SIL1: variants seen among roughly 807,000 people sequenced by gnomAD.
SIL1 encodes nucleotide exchange factor SIL1.
In SIL1, 40 loss-of-function variants were observed where a neutral mutation model predicts 49.1. The observed-to-expected ratio is 0.81, with a 90% CI of 0.63 to 1.06. SIL1 has a LOEUF of 1.06. Among genes scored for constraint, SIL1 ranks in the 50% least tolerant of loss-of-function variants. SIL1 has a pLI of 0.00. For synonymous variants in SIL1, 253 were observed against 250.8 expected (o/e 1.01, Z -0.08); for missense variants, 500 against 572.6 (o/e 0.87, Z 1.29).
intron 7 of SIL1, among the ~76,000 whole-genome samples, chr5:138,964,989 G>T (rs1767107149): frequency 6.6e-6 from 1 of 152,214 alleles, no homozygotes; most frequent in Non-Finnish European, 1.5e-5. Flanking sequence ...TGAGCCCAGG[G>T]GCCCACCAGG....
At chr5:138,963,366 T>G (rs1767066848) in intron 7 of SIL1, among the ~76,000 whole-genome samples, 1 of 152,144 alleles carries the variant, frequency 6.6e-6, no homozygotes, top group Non-Finnish European at 1.5e-5. Flanking sequence ...ACATGATAAA[T>G]CTCACTGTGT....
intron 1 of SIL1, among the ~76,000 whole-genome samples, chr5:139,140,542 G>C (rs1196309016): frequency 6.6e-6 from 1 of 152,154 alleles, no homozygotes; most frequent in Non-Finnish European, 1.5e-5. Flanking sequence ...TTAAAAACTT[G>C]AAAGGGAGAT....
At chr5:139,179,849 G>A (rs1751950766) in intron 1 of SIL1, among the ~76,000 whole-genome samples, 1 of 151,956 alleles carries the variant, frequency 6.6e-6, no homozygotes. Context: ...TTGAAACCAG[G>A]AGTTCAAAAC....
intron 4 of SIL1, among the ~76,000 whole-genome samples, chr5:139,049,420 G>A (rs1424399593): frequency 6.6e-6 from 1 of 152,114 alleles, no homozygotes; most frequent in Non-Finnish European, 1.5e-5. Context: ...TAGGTGATCC[G>A]CCGGCCTCGG....
At chr5:139,068,142 A>G (rs1769747321) in intron 3 of SIL1, among the ~76,000 whole-genome samples, 1 of 152,228 alleles carries the variant, frequency 6.6e-6, no homozygotes. Context: ...AACGTCGTCT[A>G]ATCTACCAAA....
At chr5:139,008,709 T>C (rs1768180077) in intron 7 of SIL1, among the ~76,000 whole-genome samples, 1 of 150,684 alleles carries the variant, frequency 6.6e-6, no homozygotes. Flanking sequence ...CTGCCTTCAT[T>C]TCGTTATGTA....
intron 5 of SIL1, among the ~76,000 whole-genome samples, chr5:139,029,589 C>T (rs1768740401): frequency 6.6e-6 from 1 of 151,938 alleles, no homozygotes; most frequent in Admixed American, 6.6e-5. Context: ...GCAGTCTCAC[C>T]CTCCTGGACT....
chr5:139,094,683 T>C (rs551732698), intron 3 of SIL1, among the ~76,000 whole-genome samples: 1 of 152,336 alleles, frequency 6.6e-6, no homozygotes, highest in African/African-American at 2.4e-5. Flanking sequence ...AATGCTATCA[T>C]CTTATATTAC....
intron 3 of SIL1, among the ~76,000 whole-genome samples, chr5:139,066,892 C>G (rs1769718302): frequency 6.6e-6 from 1 of 152,060 alleles, no homozygotes; most frequent in South Asian, 2.1e-4. Flanking sequence ...TTTGTACAGA[C>G]AGGGTTTCGC....
At chr5:139,079,847 TG>T (rs1321918187) in intron 3 of SIL1, among the ~76,000 whole-genome samples, 4 of 152,216 alleles carry the variant, frequency 2.6e-5, no homozygotes, top group Admixed American at 2.0e-4. Flanking sequence ...TTAGCAAATA[TG>T]CACTGGCTAC....
At chr5:139,107,811 A>AG (rs1408291872) in intron 3 of SIL1, among the ~76,000 whole-genome samples, 1 of 152,262 alleles carries the variant, frequency 6.6e-6, no homozygotes, top group African/African-American at 2.4e-5. Context: ...CTGGCATCAC[A>AG]GTAAACATTT....
intron 7 of SIL1, among the ~76,000 whole-genome samples, chr5:138,957,110 C>G (rs1338619192): frequency 1.3e-5 from 2 of 152,144 alleles, no homozygotes; most frequent in African/African-American, 4.8e-5. Flanking sequence ...TACACACACA[C>G]AGACACAATC....
In SIL1 at chr5:139,051,131, T is replaced by C. The variant is rs539195378; in HGVS notation, c.245-85A>G. 4 of 1,235,170 alleles carry C rather than the reference T, an allele frequency of 3.2e-6. No homozygotes were observed. In the South Asian group the frequency reaches 4.8e-5, roughly 15 times the overall value. The allele number at this position is 1,235,170 out of a possible 1,614,324, so 76.5% of individuals were successfully genotyped here. A position where few individuals can be genotyped will look rare whatever the true frequency, so the allele number is the denominator to read the frequency against. ...TGGCCAGCAAGCCAACAGGACTTAC[T>C]AGTTCATGAAGACACGACTCAGCTG... On this transcript the variant is annotated intron_variant, in intron 3 of 9. Transcript: ENST00000394817.
At chr5:138,981,507 G>A (rs1282696256) in intron 7 of SIL1, among the ~76,000 whole-genome samples, 1 of 152,200 alleles carries the variant, frequency 6.6e-6, no homozygotes, top group Non-Finnish European at 1.5e-5. Context: ...AGTATTTCAT[G>A]AGAGTCATTT....
At chr5:138,955,885 G>A (rs1766892063) in intron 7 of SIL1, among the ~76,000 whole-genome samples, 1 of 152,224 alleles carries the variant, frequency 6.6e-6, no homozygotes, top group Non-Finnish European at 1.5e-5. Context: ...GGAACAACAA[G>A]GGCTGAAAAG....
chr5:138,980,932 T>C (rs1767504459), intron 7 of SIL1, among the ~76,000 whole-genome samples: 1 of 152,096 alleles, frequency 6.6e-6, no homozygotes. Flanking sequence ...GGGCCAGGTA[T>C]GGTGGCTCTC....
At chr5:139,118,651 C>T (rs1750534517) in intron 3 of SIL1, among the ~76,000 whole-genome samples, 1 of 152,174 alleles carries the variant, frequency 6.6e-6, no homozygotes, top group African/African-American at 2.4e-5. Context: ...CCAGGACTGG[C>T]TACATTCCTT....
intron 7 of SIL1, among the ~76,000 whole-genome samples, chr5:138,955,794 G>A (rs1486214655): frequency 2.0e-5 from 3 of 152,248 alleles, no homozygotes; most frequent in Non-Finnish European, 4.4e-5. Flanking sequence ...GCCCTTTTGA[G>A]TGTGGGGTCC....
rs77755917 is a variant in SIL1 at position 138,966,024 on chromosome 5, C to T, written c.768-14140G>A. On this transcript the variant is annotated intron_variant, in intron 7 of 9. Coordinates refer to ENST00000394817, the MANE Select transcript of SIL1 (RefSeq NM_022464.5). ...GACAATAAATTATGTGGTCACCCTA[C>T]TTATACAGATGAGGACCCAGCTTCC... Among the ~76,000 whole-genome samples, 331 of 152,128 alleles carry T rather than the reference C, an allele frequency of 2.2e-3. 1 individual carries two copies. Among genetic ancestry groups the T allele is most frequent in the African/African-American group, 7.4e-3 (306 of 41,504 alleles).
Sources: gnomAD v4.1 joint callset for allele counts (sites outside exome capture counted in the v4.1 genomes callset) on GRCh38, gnomAD v4.1.1 for gene constraint, MANE v1.5 for transcripts, NCBI Gene and HGNC (gene_info 2026-07-23, HGNC 2026-07-21) for gene names.